RGS6: variants seen among roughly 807,000 people sequenced by gnomAD.
The protein encoded by RGS6 is regulator of G-protein signaling 6.
RGS6 carries 30 observed loss-of-function variants against 78.5 expected under a neutral mutation model. The observed-to-expected ratio is 0.38, with a 90% CI of 0.29 to 0.52. The LOEUF is 0.52. RGS6 is among the 20% of genes least tolerant of loss of function. The pLI is 0.85. For synonymous variants in RGS6, 206 were observed against 206.0 expected (o/e 1.00, Z 0.00); for missense variants, 495 against 609.7 (o/e 0.81, Z 1.98).
At chr14:72,338,137 G>A (rs988792506) in intron 2 of RGS6, among the ~76,000 whole-genome samples, 1 of 152,214 alleles carries the variant, frequency 6.6e-6, no homozygotes, top group African/African-American at 2.4e-5. Context: ...GTCCTGCCAT[G>A]TAATGGAACT....
At chr14:72,159,562 A>G (rs1264906285) in intron 2 of RGS6, among the ~76,000 whole-genome samples, 1 of 152,156 alleles carries the variant, frequency 6.6e-6, no homozygotes, top group African/African-American at 2.4e-5. Flanking sequence ...CAGTCTTTGA[A>G]TGTGATGTTT....
intron 2 of RGS6, among the ~76,000 whole-genome samples, chr14:71,984,013 A>G (rs1175307112): frequency 1.3e-5 from 2 of 152,214 alleles, no homozygotes; most frequent in Non-Finnish European, 2.9e-5. Flanking sequence ...AGACAACTTT[A>G]CTGTCCAACT....
At chr14:72,555,445 T>C (rs574096641) in intron 17 of RGS6, among the ~76,000 whole-genome samples, 27 of 152,364 alleles carry the variant, frequency 1.8e-4, no homozygotes, top group Admixed American at 1.3e-3. Flanking sequence ...CTTCGCAGCA[T>C]AGAACCTGCC....
At chr14:72,556,109 A>ATAT (rs1445838338) in intron 17 of RGS6, among the ~76,000 whole-genome samples, 1 of 152,224 alleles carries the variant, frequency 6.6e-6, no homozygotes, top group Non-Finnish European at 1.5e-5. Context: ...ACTTTTTAAA[A>ATAT]TATTTTAAAG....
At chr14:72,402,577 CG>C (rs1320050962) in intron 3 of RGS6, among the ~76,000 whole-genome samples, 1 of 151,754 alleles carries the variant, frequency 6.6e-6, no homozygotes. Flanking sequence ...CCAGTTAGAA[CG>C]GCTATGATCA....
intron 2 of RGS6, among the ~76,000 whole-genome samples, chr14:72,018,015 A>G (rs922247212): frequency 1.3e-5 from 2 of 152,152 alleles, no homozygotes; most frequent in African/African-American, 4.8e-5. Flanking sequence ...ATAAGTGAGA[A>G]AATACAGTGT....
At chr14:72,063,747 G>A (rs892927682) in intron 2 of RGS6, among the ~76,000 whole-genome samples, 1 of 152,226 alleles carries the variant, frequency 6.6e-6, no homozygotes, top group African/African-American at 2.4e-5. Flanking sequence ...TTAAGGCATT[G>A]CATGTTCTAG....
At chr14:72,230,072 T>C (rs1221117464) in intron 2 of RGS6, among the ~76,000 whole-genome samples, 2 of 152,196 alleles carry the variant, frequency 1.3e-5, no homozygotes, top group African/African-American at 2.4e-5. Flanking sequence ...GACTTGGAAT[T>C]GGGGTATCAA....
At chr14:72,575,042 G>A in the RGS6 span, among the ~76,000 whole-genome samples, 8 of 152,138 alleles carry the variant, frequency 5.3e-5, no homozygotes, top group Non-Finnish European at 7.4e-5. Context: ...AATCAGGGTG[G>A]AGAAACTGTG....
chr14:72,339,576 A>G (rs113096915), intron 2 of RGS6, among the ~76,000 whole-genome samples: 1 of 152,134 alleles, frequency 6.6e-6, no homozygotes, highest in Non-Finnish European at 1.5e-5. Context: ...GCTGCCTTCT[A>G]TGTAAAGAGT....
intron 2 of RGS6, among the ~76,000 whole-genome samples, chr14:71,985,634 T>C (rs533000418): frequency 9.1e-4 from 139 of 152,302 alleles, no homozygotes; most frequent in African/African-American, 3.2e-3. Context: ...AAAAGTTCTA[T>C]GTCATTGAAC....
chr14:72,215,866 A>T (rs2045438428), intron 2 of RGS6, among the ~76,000 whole-genome samples: 1 of 152,234 alleles, frequency 6.6e-6, no homozygotes, highest in South Asian at 2.1e-4. Flanking sequence ...GAATGTTAGC[A>T]CAGGTCTTTG....
chr14:72,154,046 C>T (rs2096733676), intron 2 of RGS6, among the ~76,000 whole-genome samples: 1 of 152,106 alleles, frequency 6.6e-6, no homozygotes, highest in Non-Finnish European at 1.5e-5. Context: ...CGTTTATAGA[C>T]CTCGCCCCAG....
At chr14:72,299,518 A>G (rs2065604192) in intron 2 of RGS6, among the ~76,000 whole-genome samples, 1 of 152,242 alleles carries the variant, frequency 6.6e-6, no homozygotes, top group South Asian at 2.1e-4. Context: ...TCTGGATCAT[A>G]ACGTAACTCT....
At position 72,536,425 on chromosome 14, in the gene RGS6, A is replaced by G; in HGVS notation, c.1368+150A>G. 3 of 641,554 alleles carry G rather than the reference A, an allele frequency of 4.7e-6. No individual in the cohort carries two copies. The South Asian group carries it at 5.1e-5, about 11-fold the overall frequency. 39.7% of individuals were successfully genotyped at this position (641,554 alleles called of 1,614,324 possible). On this transcript the variant is annotated intron_variant, in intron 16 of 17. Coordinates refer to ENST00000553525, the MANE Select transcript of RGS6 (RefSeq NM_001204424.2). ...TCTATCTGCTCCCATTCTAATGGAA[A>G]ACAGTTAGGATTGTCACCACCCCAG...
intron 2 of RGS6, among the ~76,000 whole-genome samples, chr14:72,286,280 G>A (rs2062535023): frequency 6.6e-6 from 1 of 152,048 alleles, no homozygotes; most frequent in African/African-American, 2.4e-5. Flanking sequence ...TTTCTCCATT[G>A]TATATTCTTG....
At chr14:72,517,908 G>C (rs369245905) in intron 14 of RGS6, among the ~76,000 whole-genome samples, 33 of 152,156 alleles carry the variant, frequency 2.2e-4, no homozygotes, top group East Asian at 7.7e-4. Context: ...CATCTCCCAG[G>C]GGACATTGGG....
At chr14:72,385,711 C>T (rs1332217966) in intron 3 of RGS6, among the ~76,000 whole-genome samples, 1 of 152,156 alleles carries the variant, frequency 6.6e-6, no homozygotes, top group Non-Finnish European at 1.5e-5. Flanking sequence ...CTGAAGCCCC[C>T]ATGGGGGACA....
chr14:72,498,268 C>A (rs892526897), intron 13 of RGS6, among the ~76,000 whole-genome samples: 1 of 152,044 alleles, frequency 6.6e-6, no homozygotes, highest in Non-Finnish European at 1.5e-5. Flanking sequence ...ATTTTCATAT[C>A]TCCTCTCTAT....
Sources: allele counts gnomAD v4.1 joint callset (sites outside exome capture counted in the v4.1 genomes callset), GRCh38; gene constraint gnomAD v4.1.1; transcripts MANE v1.5; gene names NCBI Gene and HGNC (gene_info 2026-07-23, HGNC 2026-07-21).